STX8: variants seen among roughly 807,000 people sequenced by gnomAD.
STX8 encodes the protein syntaxin-8.
STX8 carries 23 observed loss-of-function variants against 37.5 expected under a neutral mutation model. The observed-to-expected ratio is 0.61, with a 90% confidence interval of 0.44 to 0.87. The LOEUF (loss-of-function observed/expected upper bound fraction) is 0.87. Among genes scored for constraint, STX8 ranks in the 40% least tolerant of loss-of-function variants. STX8 has a pLI of 0.00. For synonymous variants in STX8, 115 were observed against 99.1 expected (o/e 1.16, Z -0.95); for missense variants, 313 against 284.7 (o/e 1.10, Z -0.71).
intron 6 of STX8, among the ~76,000 whole-genome samples, chr17:9,462,537 C>T (rs372634821): frequency 1.3e-5 from 2 of 152,090 alleles, no homozygotes; most frequent in African/African-American, 2.4e-5. Flanking sequence ...GCCTGGCCAA[C>T]GTGGTGAAAC....
chr17:9,503,747 C>A (rs560725552), intron 5 of STX8, among the ~76,000 whole-genome samples: 3 of 152,214 alleles, frequency 2.0e-5, no homozygotes, highest in African/African-American at 7.2e-5. Context: ...AAGTCCATAA[C>A]ACATACTAAG....
intron 1 of STX8, among the ~76,000 whole-genome samples, chr17:9,572,650 C>T (rs1475357462): frequency 2.0e-5 from 3 of 151,972 alleles, no homozygotes; most frequent in Admixed American, 6.6e-5. Context: ...CCTTATGATC[C>T]GCCTGCCTCA....
At chr17:9,366,728 T>C (rs779654807) in intron 7 of STX8, among the ~76,000 whole-genome samples, 11 of 152,172 alleles carry the variant, frequency 7.2e-5, no homozygotes, top group Non-Finnish European at 1.3e-4. Flanking sequence ...TGCACCACTA[T>C]CACATTGCTC....
rs545020159 is a variant in STX8, at chr17:9,345,848, C to CT, written c.643+32703dup. 6.6e-3 allele frequency among the ~76,000 whole-genome samples: 345 copies of CT among 52,068 alleles called. 43 individuals carry two copies. The highest frequency in any genetic ancestry group is 9.4e-3 in the Admixed American group (27 of 2,858). The allele number at this position is 52,068 out of a possible 152,430, so 34.2% of individuals were successfully genotyped here. On this transcript the variant is annotated intron_variant, in intron 7 of 7. Coordinates refer to ENST00000306357, the MANE Select transcript of STX8 (RefSeq NM_004853.3). ...CATTATACCTCCGGGTTATGCATTCCTTTTTTTTTTTTTTTTTTTTGAGAT... is the reference window on the plus strand; with the variant it reads ...CATTATACCTCCGGGTTATGCATTCCTTTTTTTTTTTTTTTTTTTTTGAGAT...
intron 4 of STX8, among the ~76,000 whole-genome samples, chr17:9,529,266 A>T (rs866004236): frequency 7.0e-6 from 1 of 143,264 alleles, no homozygotes; most frequent in African/African-American, 2.5e-5. Context: ...AGAGAGAGAG[A>T]GAGAGAGTGT....
At chr17:9,416,770 T>C (rs1177916546) in intron 6 of STX8, among the ~76,000 whole-genome samples, 1 of 152,066 alleles carries the variant, frequency 6.6e-6, no homozygotes, top group Admixed American at 6.5e-5. Context: ...TGAAATCCCA[T>C]GAGATTAGGA....
At chr17:9,313,329 G>A (rs1258253091) in intron 7 of STX8, among the ~76,000 whole-genome samples, 1 of 152,164 alleles carries the variant, frequency 6.6e-6, no homozygotes, top group Non-Finnish European at 1.5e-5. Flanking sequence ...CACTGCAGCC[G>A]GTTTAGCAAA....
intron 6 of STX8, among the ~76,000 whole-genome samples, chr17:9,384,639 C>CAAACA (rs550738095): frequency 0.029 from 4,474 of 151,812 alleles, 226 homozygotes; most frequent in African/African-American, 0.1. Flanking sequence ...GACTCCATCT[C>CAAACA]AAACAAAACA....
At chr17:9,522,979 C>A (rs1002103819) in intron 4 of STX8, among the ~76,000 whole-genome samples, 2 of 151,914 alleles carry the variant, frequency 1.3e-5, no homozygotes, top group Non-Finnish European at 1.5e-5. Flanking sequence ...ATGCTAATTA[C>A]CCTGATTTGA....
Position 9,544,058 on chromosome 17 carries a change from A to G in STX8, c.323+1114T>C, listed in dbSNP as rs143331494. 5.9e-3 allele frequency among the ~76,000 whole-genome samples: 896 copies of G among 152,226 alleles called. 5 individuals carry two copies. The highest frequency in any genetic ancestry group is 0.054 in the Middle Eastern group (16 of 294). On this transcript the variant is annotated intron_variant, in intron 4 of 7. Coordinates refer to ENST00000306357, the MANE Select transcript of STX8 (RefSeq NM_004853.3). ...CTCCACCGCAATCCCACTCTGGTTCACCTGTCAGAGGTGGAGTCTGACAAT... is the reference window on the plus strand; with the variant it reads ...CTCCACCGCAATCCCACTCTGGTTCGCCTGTCAGAGGTGGAGTCTGACAAT...
chr17:9,469,694 G>A (rs373846282), intron 6 of STX8: 13 of 152,196 alleles, frequency 8.5e-5, no homozygotes, highest in African/African-American at 3.1e-4. Flanking sequence ...GGCTACTCTT[G>A]GGCTCTTTGA....
intron 7 of STX8, among the ~76,000 whole-genome samples, chr17:9,296,451 T>C (rs1908544620): frequency 6.9e-6 from 1 of 144,196 alleles, no homozygotes; most frequent in Non-Finnish European, 1.5e-5. Flanking sequence ...TGAACCAAGA[T>C]CACACCACTG....
At chr17:9,494,904 C>G (rs1904331213) in intron 5 of STX8, among the ~76,000 whole-genome samples, 1 of 152,106 alleles carries the variant, frequency 6.6e-6, no homozygotes, top group African/African-American at 2.4e-5. Context: ...TGTAATGACT[C>G]TTGTTCACCA....
intron 4 of STX8, among the ~76,000 whole-genome samples, chr17:9,532,840 G>C (rs1158400076): frequency 6.6e-6 from 1 of 151,962 alleles, no homozygotes. Context: ...CAGACCATTA[G>C]TTAAGCGTAT....
At chr17:9,533,092 C>G (rs766981921) in intron 4 of STX8, among the ~76,000 whole-genome samples, 26 of 152,280 alleles carry the variant, frequency 1.7e-4, no homozygotes, top group Non-Finnish European at 3.2e-4. Context: ...TAGAATTAAA[C>G]AAGAATTAAC....
chr17:9,328,274 C>A (rs1412177133), intron 7 of STX8, among the ~76,000 whole-genome samples: 1 of 148,764 alleles, frequency 6.7e-6, no homozygotes, highest in African/African-American at 2.6e-5. Context: ...GTTTCTATGG[C>A]CTGCCTTGAA....
intron 7 of STX8, among the ~76,000 whole-genome samples, chr17:9,340,951 C>A (rs1249432374): frequency 6.7e-6 from 1 of 148,194 alleles, no homozygotes; most frequent in Admixed American, 6.7e-5. Flanking sequence ...GCCACCGCAC[C>A]CAGCTGAAAT....
At chr17:9,459,844 T>G (rs1032479908) in intron 6 of STX8, among the ~76,000 whole-genome samples, 1 of 152,210 alleles carries the variant, frequency 6.6e-6, no homozygotes, top group African/African-American at 2.4e-5. Context: ...ACAGAAGAGT[T>G]GAGCTGAAAT....
intron 4 of STX8, among the ~76,000 whole-genome samples, chr17:9,510,118 ACT>A (rs1904974224): frequency 6.6e-6 from 1 of 152,232 alleles, no homozygotes; most frequent in South Asian, 2.1e-4. Flanking sequence ...ATACCAGAGC[ACT>A]CAGATATATA....
Sources: gnomAD v4.1 joint callset for allele counts (sites outside exome capture counted in the v4.1 genomes callset) on GRCh38, gnomAD v4.1.1 for gene constraint, MANE v1.5 for transcripts, NCBI Gene and HGNC (gene_info 2026-07-23, HGNC 2026-07-21) for gene names.